GPC5: variants seen among roughly 807,000 people sequenced by gnomAD.
The protein encoded by GPC5 is glypican-5.
Under a neutral mutation model 53.9 loss-of-function variants are expected in GPC5, and 47 were observed. The ratio of observed to expected loss-of-function variants is 0.87; its 90% CI spans 0.69 to 1.11. The LOEUF (loss-of-function observed/expected upper bound fraction) is 1.11, where lower values mean the gene tolerates loss of function less well. Ranked by LOEUF, GPC5 falls within the 50% of genes most tolerant of loss-of-function variation. The pLI is 0.00. For synonymous variants in GPC5, 286 were observed against 263.3 expected, an observed-to-expected ratio of 1.09 and a Z score of -0.84; for missense variants, 748 against 713.1, an observed-to-expected ratio of 1.05 and a Z score of -0.56.
At chr13:92,186,969 G>T (rs1298487977) in intron 7 of GPC5, among the ~76,000 whole-genome samples, 1 of 151,978 alleles carries the variant, frequency 6.6e-6, no homozygotes, top group African/African-American at 2.4e-5. Flanking sequence ...AAAATTAGCC[G>T]GGCGTGTTAG....
rs114285058 is a variant in GPC5 at position 92,815,309 on chromosome 13, T to C, written c.1562-50973T>C. Among the ~76,000 whole-genome samples, 1,364 of 152,074 alleles carry C rather than the reference T, an allele frequency of 9.0e-3. 44 individuals are homozygous for C. The highest frequency in any genetic ancestry group is 0.031 in the African/African-American group (1,295 of 41,372). ...AGGATATTTTAGCAGAGATAACCAATGAAGTTCCCACTTCATTGGAGCAGA... is the reference window on the plus strand; with the variant it reads ...AGGATATTTTAGCAGAGATAACCAACGAAGTTCCCACTTCATTGGAGCAGA... On this transcript the variant is annotated intron_variant, in intron 7 of 7. Transcript: ENST00000377067.
At chr13:92,445,293 G>GTTTTTTTTTTTTTTTTTTTTT (rs547006896) in intron 7 of GPC5, among the ~76,000 whole-genome samples, 1 of 130,634 alleles carries the variant, frequency 7.7e-6, no homozygotes, top group Non-Finnish European at 1.6e-5. Context: ...CTCTTTTTGT[G>GTTTTTTTTTTTTTTTTTTTTT]ATTTTTTTTG....
chr13:91,710,637 C>T (rs2036204500), intron 3 of GPC5, among the ~76,000 whole-genome samples: 1 of 152,130 alleles, frequency 6.6e-6, no homozygotes, highest in African/African-American at 2.4e-5. Flanking sequence ...GGCATTTGGG[C>T]TTCTCCACTG....
At chr13:92,326,056 T>C (rs1485450790) in intron 7 of GPC5, among the ~76,000 whole-genome samples, 4 of 152,116 alleles carry the variant, frequency 2.6e-5, no homozygotes, top group Non-Finnish European at 5.9e-5. Flanking sequence ...CGGGAATCCT[T>C]GAATCACAGA....
intron 7 of GPC5, among the ~76,000 whole-genome samples, chr13:92,673,288 C>CTTTTTTT (rs150927746): frequency 6.9e-6 from 1 of 144,910 alleles, no homozygotes; most frequent in Admixed American, 6.9e-5. Context: ...TTTTCTTTTT[C>CTTTTTTT]TTTTTTTTTT....
intron 7 of GPC5, among the ~76,000 whole-genome samples, chr13:92,685,575 A>AATTTTTTTTTT: frequency 2.1e-5 from 1 of 47,548 alleles, no homozygotes; most frequent in South Asian, 6.1e-4. Context: ...TTTTTTTTTT[A>AATTTTTTTTTT]TTATACTCTA....
intron 2 of GPC5, among the ~76,000 whole-genome samples, chr13:91,482,401 C>A (rs1883354613): frequency 1.3e-5 from 2 of 152,154 alleles, no homozygotes; most frequent in South Asian, 4.1e-4. Flanking sequence ...GAATACATTT[C>A]TGTTCTTTAT....
chr13:91,571,810 C>CGT (rs1555325801), intron 2 of GPC5, among the ~76,000 whole-genome samples: 4,325 of 86,498 alleles, frequency 0.05, 543 homozygotes, highest in Non-Finnish European at 0.065. Context: ...TATACACACA[C>CGT]ATACGTGTGT....
At chr13:91,497,910 C>T (rs1212579769) in intron 2 of GPC5, among the ~76,000 whole-genome samples, 1 of 152,062 alleles carries the variant, frequency 6.6e-6, no homozygotes, top group Non-Finnish European at 1.5e-5. Flanking sequence ...GTGGGGTATC[C>T]ATCACCTCAA....
intron 7 of GPC5, among the ~76,000 whole-genome samples, chr13:92,524,075 T>C (rs1412967537): frequency 6.6e-6 from 1 of 152,116 alleles, no homozygotes; most frequent in Admixed American, 6.6e-5. Flanking sequence ...TAACAATTTA[T>C]TAAAAGCAGA....
intron 6 of GPC5, among the ~76,000 whole-genome samples, chr13:91,912,182 A>T (rs1028360831): frequency 3.3e-5 from 5 of 152,326 alleles, no homozygotes; most frequent in African/African-American, 1.2e-4. Context: ...TATTAAATGT[A>T]TTGGGCACCT....
intron 7 of GPC5, among the ~76,000 whole-genome samples, chr13:92,511,707 C>A (rs1416696673): frequency 1.3e-5 from 2 of 152,106 alleles, no homozygotes; most frequent in African/African-American, 4.8e-5. Context: ...CTTATAAAGT[C>A]ATTTTGTTGC....
At chr13:91,601,739 A>G (rs917934021) in intron 2 of GPC5, among the ~76,000 whole-genome samples, 1 of 152,196 alleles carries the variant, frequency 6.6e-6, no homozygotes, top group Non-Finnish European at 1.5e-5. Context: ...TAGTTGCAGG[A>G]AAACAAGCTC....
chr13:91,978,225 C>G (rs1163664086), intron 6 of GPC5, among the ~76,000 whole-genome samples: 11 of 152,198 alleles, frequency 7.2e-5, no homozygotes, highest in Admixed American at 7.2e-4. Flanking sequence ...AATTTTGCCT[C>G]CTCAACATCA....
chr13:92,324,101 A>G (rs1023665881), intron 7 of GPC5, among the ~76,000 whole-genome samples: 5 of 151,948 alleles, frequency 3.3e-5, no homozygotes, highest in African/African-American at 4.8e-5. Context: ...GTAAAGATTT[A>G]TGAATGAATA....
intron 7 of GPC5, among the ~76,000 whole-genome samples, chr13:92,197,160 T>C (rs534894274): frequency 1.3e-5 from 2 of 152,238 alleles, no homozygotes; most frequent in Admixed American, 1.3e-4. Context: ...CTTTGGAAGT[T>C]TCTTCTTCCC....
At chr13:91,757,535 T>C (rs1190088946) in intron 5 of GPC5, among the ~76,000 whole-genome samples, 1 of 152,126 alleles carries the variant, frequency 6.6e-6, no homozygotes, top group Non-Finnish European at 1.5e-5. Context: ...GTTCTTGGGA[T>C]AGTGAGTTAA....
At chr13:92,061,690 A>T (rs911249254) in intron 6 of GPC5, among the ~76,000 whole-genome samples, 1 of 151,996 alleles carries the variant, frequency 6.6e-6, no homozygotes, top group Admixed American at 6.5e-5. Flanking sequence ...AACACAGAAC[A>T]GTCATGCTGT....
intron 6 of GPC5, among the ~76,000 whole-genome samples, chr13:92,044,133 TACA>T (rs1412699185): frequency 2.0e-5 from 3 of 152,218 alleles, no homozygotes; most frequent in African/African-American, 7.2e-5. Context: ...TTCTACCCTG[TACA>T]ACGTTTCCTG....
Sources: allele counts gnomAD v4.1 joint callset (sites outside exome capture counted in the v4.1 genomes callset), GRCh38; gene constraint gnomAD v4.1.1; transcripts MANE v1.5; gene names NCBI Gene and HGNC (gene_info 2026-07-23, HGNC 2026-07-21).